The following FRMD4A variants were observed in gnomAD, a reference collection of about 807,000 sequenced individuals.
FRMD4A encodes FERM domain-containing protein 4A.
FRMD4A carries 29 observed loss-of-function variants against 129.1 expected under a neutral mutation model. The ratio of observed to expected loss-of-function variants is 0.22; its 90% CI spans 0.17 to 0.31. The LOEUF (loss-of-function observed/expected upper bound fraction) is 0.31, where lower values mean the gene tolerates loss of function less well. FRMD4A is among the 10% of genes least tolerant of loss of function. The pLI is 1.00. For synonymous variants in FRMD4A, 634 were observed against 571.6 expected (o/e 1.11, Z -1.56); for missense variants, 1,272 against 1,375.8 (o/e 0.92, Z 1.19).
rs184314237 is a variant in FRMD4A at position 13,731,801 on chromosome 10, T to C, written c.759+6043A>G. Among the ~76,000 whole-genome samples, 6 of 152,252 alleles carry C rather than the reference T, an allele frequency of 3.9e-5. No homozygotes were observed. In the East Asian group the frequency reaches 1.2e-3, roughly 29 times the overall value. The stretch of plus-strand genomic sequence containing the variant: ...AGATTCTGATTTTTCTTAGTCTTGT[T>C]TGCTGCTTTTTTTAGGGTGTTCTGG... On this transcript the variant is annotated intron_variant, in intron 12 of 24. Transcript: ENST00000357447.
At chr10:13,767,124 G>A (rs1702078680) in intron 6 of FRMD4A, among the ~76,000 whole-genome samples, 1 of 152,136 alleles carries the variant, frequency 6.6e-6, no homozygotes, top group Admixed American at 6.6e-5. Flanking sequence ...GTTCCACACA[G>A]GGGAGTTATT....
At chr10:13,902,168 C>G (rs1291684114) in intron 2 of FRMD4A, among the ~76,000 whole-genome samples, 1 of 152,084 alleles carries the variant, frequency 6.6e-6, no homozygotes, top group Non-Finnish European at 1.5e-5. Context: ...AGGCATGTAC[C>G]ACTATACCTG....
chr10:13,682,060 A>C (rs1267694563), intron 15 of FRMD4A, among the ~76,000 whole-genome samples: 1 of 116,904 alleles, frequency 8.6e-6, no homozygotes, highest in East Asian at 2.0e-4. Flanking sequence ...TCTCTACAAA[A>C]ATTAAAAAAA....
At chr10:14,038,182 G>C (rs1410759223) in intron 2 of FRMD4A, among the ~76,000 whole-genome samples, 5 of 152,180 alleles carry the variant, frequency 3.3e-5, no homozygotes, top group African/African-American at 1.2e-4. Flanking sequence ...AATTAGCTGG[G>C]CGAGGTGGCG....
At chr10:13,682,193 C>T (rs992073845) in intron 15 of FRMD4A, among the ~76,000 whole-genome samples, 1 of 152,122 alleles carries the variant, frequency 6.6e-6, no homozygotes, top group African/African-American at 2.4e-5. Context: ...CACTGCACTC[C>T]AGCCTGGGCA....
At chr10:14,241,637 A>C (rs1347413752) in intron 2 of FRMD4A, among the ~76,000 whole-genome samples, 2 of 134,936 alleles carry the variant, frequency 1.5e-5, no homozygotes, top group African/African-American at 5.5e-5. Context: ...CAGTGATTCT[A>C]ATCCCCTTCT....
intron 2 of FRMD4A, among the ~76,000 whole-genome samples, chr10:14,085,351 T>C (rs1275967360): frequency 3.3e-5 from 5 of 152,188 alleles, no homozygotes; most frequent in Non-Finnish European, 5.9e-5. Flanking sequence ...GGTTGCAGGG[T>C]TTCCACGAGC....
chr10:14,268,966 G>A (rs1027201626), intron 2 of FRMD4A, among the ~76,000 whole-genome samples: 13 of 152,232 alleles, frequency 8.5e-5, no homozygotes, highest in African/African-American at 3.1e-4. Flanking sequence ...ATGCCGTTAG[G>A]ATGAAAGCCA....
chr10:14,024,568 C>T (rs1415625523), intron 2 of FRMD4A, among the ~76,000 whole-genome samples: 1 of 152,300 alleles, frequency 6.6e-6, no homozygotes, highest in South Asian at 2.1e-4. Flanking sequence ...AGCAGAACAT[C>T]GCAGGCTGGA....
intron 2 of FRMD4A, among the ~76,000 whole-genome samples, chr10:14,029,556 T>C (rs2447039): frequency 0.18 from 27,604 of 152,054 alleles, 3,784 homozygotes; most frequent in African/African-American, 0.39. Flanking sequence ...TTTTCCTGTC[T>C]AACCTAGAGC....
chr10:13,840,510 C>T (rs1006211872), intron 3 of FRMD4A, among the ~76,000 whole-genome samples: 3 of 152,130 alleles, frequency 2.0e-5, no homozygotes, highest in Non-Finnish European at 4.4e-5. Context: ...GTCTAAGGAC[C>T]ATGTGGGTTG....
intron 12 of FRMD4A, among the ~76,000 whole-genome samples, chr10:13,719,401 T>C (rs1407469639): frequency 6.6e-6 from 1 of 152,072 alleles, no homozygotes; most frequent in Non-Finnish European, 1.5e-5. Flanking sequence ...GTCAGATCTT[T>C]ACAAATCATG....
At chr10:13,958,260 T>C (rs556172866) in intron 2 of FRMD4A, among the ~76,000 whole-genome samples, 1 of 150,116 alleles carries the variant, frequency 6.7e-6, no homozygotes, top group Non-Finnish European at 1.5e-5. Context: ...AACAGTCGCG[T>C]GAACAACAGC....
chr10:14,307,041 T>C (rs540625098), intron 2 of FRMD4A, among the ~76,000 whole-genome samples: 2 of 152,354 alleles, frequency 1.3e-5, no homozygotes, highest in South Asian at 2.1e-4. Flanking sequence ...GAAATGCAAC[T>C]ACATTGATGA....
chr10:14,327,145 A>G (rs1843310520), intron 2 of FRMD4A, among the ~76,000 whole-genome samples: 1 of 152,198 alleles, frequency 6.6e-6, no homozygotes, highest in Non-Finnish European at 1.5e-5. Flanking sequence ...ACTGTTCAAA[A>G]GTCATTGGCT....
chr10:14,228,327 C>T (rs1273463105), intron 2 of FRMD4A, among the ~76,000 whole-genome samples: 1 of 152,168 alleles, frequency 6.6e-6, no homozygotes, highest in African/African-American at 2.4e-5. Context: ...AATACAGTGA[C>T]CATATGTCCC....
intron 17 of FRMD4A, among the ~76,000 whole-genome samples, chr10:13,669,059 T>G (rs892987829): frequency 1.2e-4 from 2 of 17,152 alleles, no homozygotes; most frequent in African/African-American, 4.0e-4. Flanking sequence ...GAGCTTTAGT[T>G]TTTTTTTTTT....
intron 4 of FRMD4A, among the ~76,000 whole-genome samples, chr10:13,802,490 T>G (rs749071724): frequency 1.3e-5 from 2 of 151,882 alleles, no homozygotes; most frequent in Non-Finnish European, 1.5e-5. Flanking sequence ...CTCACTCTGT[T>G]GCCCAGGCTG....
intron 2 of FRMD4A, among the ~76,000 whole-genome samples, chr10:14,232,211 G>T (rs1023740725): frequency 6.6e-6 from 1 of 152,020 alleles, no homozygotes; most frequent in Non-Finnish European, 1.5e-5. Flanking sequence ...TTTTGTTATC[G>T]TTGGCTTTGT....
Sources: gnomAD v4.1 joint callset for allele counts (sites outside exome capture counted in the v4.1 genomes callset) on GRCh38, gnomAD v4.1.1 for gene constraint, MANE v1.5 for transcripts, NCBI Gene and HGNC (gene_info 2026-07-23, HGNC 2026-07-21) for gene names.